QSOX1: variants seen among roughly 807,000 people sequenced by gnomAD.
The protein encoded by QSOX1 is sulfhydryl oxidase 1.
QSOX1 carries 40 observed loss-of-function variants against 76.1 expected under a neutral mutation model. The observed-to-expected ratio is 0.53, with a 90% CI of 0.41 to 0.68. The LOEUF is 0.68. Among genes scored for constraint, QSOX1 ranks in the 30% least tolerant of loss-of-function variants. The pLI is 0.00. For synonymous variants in QSOX1, 392 were observed against 413.1 expected (o/e 0.95, Z 0.62); for missense variants, 931 against 974.3 (o/e 0.96, Z 0.59).
chr1:180,188,897 T>C (rs1663239005), intron 8 of QSOX1, among the ~76,000 whole-genome samples: 1 of 152,238 alleles, frequency 6.6e-6, no homozygotes, highest in Non-Finnish European at 1.5e-5. Flanking sequence ...TACACACATA[T>C]GTCCTCCTCC....
intron 5 of QSOX1, 134 bp downstream of exon 5, chr1:180,179,018 C>A: frequency 1.4e-6 from 1 of 723,342 alleles, no homozygotes; most frequent in South Asian, 1.7e-5. Context: ...GGCCTGACCC[C>A]TGCTGGGAGC....
chr1:180,170,638 G>A (rs1221449369), intron 2 of QSOX1, among the ~76,000 whole-genome samples: 1 of 152,192 alleles, frequency 6.6e-6, no homozygotes, highest in Non-Finnish European at 1.5e-5. Context: ...CTGGAGAAAA[G>A]CAACACACTC....
Position 180,175,381 on chromosome 1 carries a change from C to G in QSOX1, c.412+15C>G. 1 of 1,612,720 alleles carries G rather than the reference C, an allele frequency of 6.2e-7. No individual in the cohort carries two copies. Among genetic ancestry groups the G allele is most frequent in the Non-Finnish European group, 8.5e-7 (1 of 1,179,112 alleles). ...AGTATTTCCAGGTGGGTGCCCAGCT[C>G]TGGTTGTCCTGTTAGCATCTTCCTC... is the stretch of plus-strand genomic sequence containing the variant. On this transcript the variant is annotated intron_variant, in intron 3 of 11. Transcript: ENST00000367602.
At chr1:180,178,669 G>A (rs1453510853) in intron 4 of QSOX1, 125 bp from the exon 5 acceptor site, 1 of 803,790 alleles carries the variant, frequency 1.2e-6, no homozygotes, top group Non-Finnish European at 2.1e-6. Flanking sequence ...AGGGCCCTGT[G>A]TGGAAGCGGA....
At chr1:180,157,788 A>G (rs1217257686) in intron 1 of QSOX1, among the ~76,000 whole-genome samples, 1 of 152,218 alleles carries the variant, frequency 6.6e-6, no homozygotes, top group Non-Finnish European at 1.5e-5. Flanking sequence ...TCACTGGCTA[A>G]TCAATCAGCA....
chr1:180,197,694 G>C lies in QSOX1; in HGVS notation c.*657G>C. ...TGTAGGGTGAGTGGCTTGCTTGGTGGGACCTGACGAGTTGGTGGCATGGGA... is the reference window on the plus strand; with the variant it reads ...TGTAGGGTGAGTGGCTTGCTTGGTGCGACCTGACGAGTTGGTGGCATGGGA... On this transcript the variant is annotated 3_prime_UTR_variant, in exon 12 of 12. Coordinates refer to ENST00000367602, the MANE Select transcript of QSOX1 (RefSeq NM_002826.5). The C allele has an allele frequency of 2.9e-6, 1 of 342,698 alleles. No individual in the cohort carries two copies. The highest frequency in any genetic ancestry group is 5.5e-6 in the Non-Finnish European group (1 of 182,988). 21.2% of individuals were successfully genotyped at this position (342,698 alleles called of 1,614,324 possible).
In QSOX1 at chr1:180,189,533, C is replaced by T. The variant is rs3894210; in HGVS notation, c.1018-19C>T. On this transcript the variant is annotated intron_variant, in intron 8 of 11. Coordinates refer to ENST00000367602, the MANE Select transcript of QSOX1 (RefSeq NM_002826.5). ...GAATTGCTTTTCACTCTCCAGCTTC[C>T]GCTTGTTCCTCCCCACAGTATTTCC... 246,758 of 1,564,960 alleles carry T rather than the reference C, an allele frequency of 0.16. 20,428 individuals carry two copies. Among genetic ancestry groups the T allele is most frequent in the South Asian group, 0.19 (16,570 of 89,428 alleles).
In QSOX1 at chr1:180,196,683, G is replaced by C. The variant is rs904083511; in HGVS notation, c.1890G>C (p.Arg630Ser). ...CTGAGCACATGGCAGAGCTTCAGAG[G>C]AATGAGCAGGAGCAGCCGCTTGGGC... Reference protein sequence around the residue: ...EPPEHMAELQRNEQEQPLGQW... With the variant: ...EPPEHMAELQSNEQEQPLGQW... Residue 630 changes from arginine (R) to serine (S), a missense_variant, in exon 12 of 12, where the codon AGG (arginine) becomes AGC (serine). Transcript: ENST00000367602. The surrounding 1 kb of genome is among the most constrained non-coding windows in gnomAD (Gnocchi z 4.1). 5 of 1,614,068 alleles carry C rather than the reference G, an allele frequency of 3.1e-6. No homozygotes were observed. The highest frequency in any genetic ancestry group is 4.2e-6 in the Non-Finnish European group (5 of 1,180,032).
intron 2 of QSOX1, among the ~76,000 whole-genome samples, chr1:180,174,186 G>A (rs764325863): frequency 6.6e-6 from 1 of 152,268 alleles, no homozygotes; most frequent in Non-Finnish European, 1.5e-5. Flanking sequence ...TCAGTGGCCG[G>A]CTTCCAGGAC....
chr1:180,178,925 T>G (rs1261611756), intron 5 of QSOX1, 41 bp downstream of exon 5: 1 of 1,553,982 alleles, frequency 6.4e-7, no homozygotes, highest in Non-Finnish European at 8.9e-7. Flanking sequence ...TGGATAGCCA[T>G]GGAGAGAGAG....
intron 6 of QSOX1, 114 bp downstream of exon 6, chr1:180,182,433 C>A: frequency 7.1e-7 from 1 of 1,406,372 alleles, no homozygotes. Flanking sequence ...TTCTGAAGAG[C>A]CCCCTCAGGA....
At chr1:180,178,701 T>C (rs1407685129) in intron 4 of QSOX1, 93 bp from the exon 5 acceptor site, 2 of 1,148,150 alleles carry the variant, frequency 1.7e-6, no homozygotes, top group Non-Finnish European at 2.6e-6. Flanking sequence ...TGGCCATACC[T>C]GCAGCACTGC....
rs535096387 is a variant in QSOX1, at chr1:180,166,673, C to T, written c.366+82C>T. 48 of 1,369,418 alleles carry T rather than the reference C, an allele frequency of 3.5e-5. No individual in the cohort carries two copies. The African/African-American group carries it at 4.3e-4, about 12-fold the overall frequency. The allele number at this position is 1,369,418 out of a possible 1,614,324, so 84.8% of individuals were successfully genotyped here. On this transcript the variant is annotated intron_variant, in intron 2 of 11. Transcript: ENST00000367602. ...GGGAAAGGGACCATGTGGGATGTGT[C>T]GGGATGGGCAGATTTCAGCTGCTCT...
chr1:180,156,241 G>C (rs146079831), intron 1 of QSOX1, among the ~76,000 whole-genome samples: 1 of 152,170 alleles, frequency 6.6e-6, no homozygotes, highest in Non-Finnish European at 1.5e-5. Context: ...ACCTAATCCA[G>C]GTAGTGGGTA....
chr1:180,193,544 C>T (rs1663377447), intron 10 of QSOX1, among the ~76,000 whole-genome samples: 1 of 151,972 alleles, frequency 6.6e-6, no homozygotes, highest in Admixed American at 6.5e-5. Context: ...GAGGCAAGCA[C>T]CAGCAGCCCT....
chr1:180,156,634 G>A (rs1208561165), intron 1 of QSOX1, among the ~76,000 whole-genome samples: 1 of 152,174 alleles, frequency 6.6e-6, no homozygotes. Context: ...AAACTTATAA[G>A]CTGTTTTGAC....
intron 4 of QSOX1, 104 bp from the exon 5 acceptor site, chr1:180,178,690 A>T (rs1295431715): frequency 2.0e-6 from 2 of 982,812 alleles, no homozygotes; most frequent in Middle Eastern, 2.4e-4. Context: ...GGAGGGCGGG[A>T]TGGCCATACC....
intron 1 of QSOX1, among the ~76,000 whole-genome samples, chr1:180,160,386 T>C (rs770555859): frequency 5.3e-5 from 8 of 151,196 alleles, no homozygotes; most frequent in Non-Finnish European, 1.5e-5. Flanking sequence ...CATGACTGGG[T>C]TAAATTAAAG....
intron 8 of QSOX1, among the ~76,000 whole-genome samples, chr1:180,188,769 C>T (rs190809065): frequency 6.6e-6 from 1 of 152,358 alleles, no homozygotes; most frequent in African/African-American, 2.4e-5. Flanking sequence ...TCTCAGGGTC[C>T]TCATCCCCTC....
Sources: gnomAD v4.1 joint callset for allele counts (sites outside exome capture counted in the v4.1 genomes callset) on GRCh38, gnomAD v4.1.1 for gene constraint, Gnocchi (gnomAD v3.1) non-coding constraint, MANE v1.5 for transcripts, NCBI Gene and HGNC (gene_info 2026-07-23, HGNC 2026-07-21) for gene names.